The following MED24 variants were observed in gnomAD, a reference collection of about 807,000 sequenced individuals.
MED24 encodes the protein mediator complex subunit 24, also known as mediator of RNA polymerase II transcription subunit 24.
Under a neutral mutation model 118.8 loss-of-function variants are expected in MED24, and 74 were observed. The ratio of observed to expected loss-of-function variants is 0.62; its 90% CI spans 0.52 to 0.76. The LOEUF is 0.76. MED24 is among the 30% of genes least tolerant of loss of function. The pLI, the probability that MED24 is intolerant of heterozygous loss-of-function variation, is 0.00. For missense variants in MED24, 1,041 were observed against 1,278.9 expected (o/e 0.81, Z 2.84); for synonymous variants, 521 against 523.9 (o/e 0.99, Z 0.08).
intron 3 of MED24, among the ~76,000 whole-genome samples, chr17:40,039,444 C>G (rs1336366564): frequency 6.6e-6 from 1 of 152,178 alleles, no homozygotes; most frequent in East Asian, 1.9e-4. Flanking sequence ...ATATTCAACA[C>G]CCCAACTACT....
In MED24 at chr17:40,035,136, G is replaced by C. The variant is rs759992763; in HGVS notation, c.540C>G (p.Ile180Met). 50 of 1,614,152 alleles carry C rather than the reference G, an allele frequency of 3.1e-5. No homozygotes were observed. Among genetic ancestry groups the C allele is most frequent in the Non-Finnish European group, 3.6e-5 (43 of 1,180,026 alleles). The change falls in exon 6 of 26, where the codon ATC becomes ATG. Residue 180 changes from isoleucine to methionine, a missense_variant. This residue lies in a region of MED24 where 434 missense variants were observed against 514.9 expected (regional missense o/e 0.84). Transcript: ENST00000394128. Reference sequence around the variant, plus strand: ...ACATACAGGCCTCCTCTAGTTTGGCGATGTGCAGCAGGGCCCGGTTCTTGG... The same window carrying C: ...ACATACAGGCCTCCTCTAGTTTGGCCATGTGCAGCAGGGCCCGGTTCTTGG... ...SSTKNRALLH[I>M]AKLEEASSWT...
chr17:40,042,801 G>A (rs1984694697), intron 3 of MED24, among the ~76,000 whole-genome samples: 1 of 152,124 alleles, frequency 6.6e-6, no homozygotes, highest in Admixed American at 6.5e-5. Context: ...AGACAGTTGA[G>A]CCATTATCCA....
At chr17:40,031,374 T>G (rs966149027) in intron 11 of MED24, 129 bp from the exon 12 acceptor site, 46 of 1,218,888 alleles carry the variant, frequency 3.8e-5, no homozygotes, top group Middle Eastern at 5.4e-4. Context: ...TGAGGGACGG[T>G]AGAGGGGCTC....
At chr17:40,050,100 G>A (rs1246439932) in intron 3 of MED24, among the ~76,000 whole-genome samples, 3 of 146,684 alleles carry the variant, frequency 2.0e-5, no homozygotes, top group South Asian at 2.2e-4. Context: ...GCAGTGAGCC[G>A]AGATCGCACC....
At chr17:40,022,918 G>A in intron 20 of MED24, 92 bp from the exon 21 acceptor site, 1 of 1,462,690 alleles carries the variant, frequency 6.8e-7, no homozygotes, top group Non-Finnish European at 9.2e-7. Context: ...GTCCAGTAAG[G>A]CCCGCAGAGG....
Position 40,033,030 on chromosome 17 carries a change from A to C in MED24, c.822+26T>G. 1 of 1,612,412 alleles carries C rather than the reference A, an allele frequency of 6.2e-7. No individual in the cohort carries two copies. The highest frequency in any genetic ancestry group is 8.5e-7 in the Non-Finnish European group (1 of 1,179,586). ...CCAACAGGCTGGCCTGCCTTGGAGA[A>C]GGGAGAGCCACTCGGCCCCTCCCAC... On this transcript the variant is annotated intron_variant, in intron 8 of 25. Coordinates refer to ENST00000394128, the MANE Select transcript of MED24 (RefSeq NM_014815.4). The surrounding 1 kb of genome is among the most constrained non-coding windows in gnomAD (Gnocchi z 5.2).
chr17:40,044,146 G>T (rs1301528626), intron 3 of MED24, among the ~76,000 whole-genome samples: 1 of 127,444 alleles, frequency 7.8e-6, no homozygotes, highest in African/African-American at 3.1e-5. Context: ...AAAAAAAAAA[G>T]CCGTAACAAA....
rs545636237 is a variant in MED24, at chr17:40,046,241, C to T, written c.213+7057G>A. Among the ~76,000 whole-genome samples, 497 of 148,960 alleles carry T rather than the reference C, an allele frequency of 3.3e-3. 2 individuals carry two copies. Among genetic ancestry groups the T allele is most frequent in the Non-Finnish European group, 3.8e-3 (255 of 67,262 alleles). ...CTGGGACTATAGGCACCCGCCACCACGCCCGGCTAATTTTTTGTATTTTCA... is the reference window on the plus strand; with the variant it reads ...CTGGGACTATAGGCACCCGCCACCATGCCCGGCTAATTTTTTGTATTTTCA... On this transcript the variant is annotated intron_variant, in intron 3 of 25. Coordinates refer to ENST00000394128, the MANE Select transcript of MED24 (RefSeq NM_014815.4).
At chr17:40,028,025 G>C (rs1318466927) in intron 14 of MED24, 79 bp from the exon 15 acceptor site, 7 of 1,398,342 alleles carry the variant, frequency 5.0e-6, no homozygotes, top group African/African-American at 2.8e-5. Flanking sequence ...CACATGTTCA[G>C]AGAGCGATAG....
In MED24 at chr17:40,038,931, C is replaced by G. The variant is rs138247371; in HGVS notation, c.214-2777G>C. On this transcript the variant is annotated intron_variant, in intron 3 of 25. Transcript: ENST00000394128. Reference sequence around the variant, plus strand: ...TGAGGCCAGGGCTAGTGTCTGATATCCATCAGAAAGCTGGGAGCCTGCCTG... The same window carrying G: ...TGAGGCCAGGGCTAGTGTCTGATATGCATCAGAAAGCTGGGAGCCTGCCTG... Among the ~76,000 whole-genome samples, 5 of 152,282 alleles carry G rather than the reference C, an allele frequency of 3.3e-5. No homozygotes were observed. In the East Asian group the frequency reaches 9.7e-4, roughly 29 times the overall value.
intron 3 of MED24, among the ~76,000 whole-genome samples, chr17:40,043,228 A>G (rs567983254): frequency 1.1e-4 from 17 of 151,960 alleles, no homozygotes; most frequent in African/African-American, 4.1e-4. Context: ...GAGCCACCAC[A>G]CCCGGCCTGT....
chr17:40,031,254 G>A lies in MED24; in HGVS notation c.1068-9C>T, dbSNP rs1204258128. On this transcript the variant is annotated splice_polypyrimidine_tract_variant and intron_variant, in intron 11 of 25. Coordinates refer to ENST00000394128, the MANE Select transcript of MED24 (RefSeq NM_014815.4). ...AGTTTGTACAGTCACAGCTGTGAGG[G>A]AGAAAGATGCTGAGGGAACTGGGCA... The A allele has an allele frequency of 1.3e-6, 2 of 1,560,354 alleles. No individual in the cohort carries two copies. The highest frequency in any genetic ancestry group is 1.2e-5 in the South Asian group (1 of 84,656).
Position 40,053,869 on chromosome 17 carries a change from A to G in MED24, c.-37-234T>C. ...GTATCGGCCGAGCGCAGTGGCTCGC[A>G]CCTGTAATCCCAGCACTTCGGGAGG... On this transcript the variant is annotated intron_variant, in intron 1 of 25. Transcript: ENST00000394128. 6.5e-6 allele frequency: 4 copies of G among 612,510 alleles called. No homozygotes were observed. The South Asian group carries it at 8.2e-5, about 12-fold the overall frequency. The allele number at this position is 612,510 out of a possible 1,614,324, so 37.9% of individuals were successfully genotyped here.
At chr17:40,046,695 G>C (rs1405539054) in intron 3 of MED24, among the ~76,000 whole-genome samples, 6 of 151,082 alleles carry the variant, frequency 4.0e-5, no homozygotes, top group Non-Finnish European at 7.4e-5. Flanking sequence ...GCAGTGAGCC[G>C]AGATCCCGCC....
rs193125906 is a variant in MED24, at chr17:40,022,073, A to T, written c.2524-19T>A. 2.0e-3 allele frequency: 3,013 copies of T among 1,538,092 alleles called. 7 individuals carry two copies. Among genetic ancestry groups the T allele is most frequent in the Non-Finnish European group, 2.4e-3 (2,684 of 1,128,074 alleles). ...TATAATCCTAGAGGGAGTGAAAGTCACTGTTATACACCCCTAAACCCCCCA... is the reference window on the plus strand; with the variant it reads ...TATAATCCTAGAGGGAGTGAAAGTCTCTGTTATACACCCCTAAACCCCCCA... On this transcript the variant is annotated intron_variant, in intron 22 of 25. Coordinates refer to ENST00000394128, the MANE Select transcript of MED24 (RefSeq NM_014815.4).
rs557617210 is a variant in MED24 at position 40,040,355 on chromosome 17, G to C, written c.214-4201C>G. ...GCCTCCCAAAGTGCTGGGATTACAA[G>C]CGTGAGCCACTGTGCCCAGCTGCCT... On this transcript the variant is annotated intron_variant, in intron 3 of 25. Transcript: ENST00000394128. 2.6e-5 allele frequency among the ~76,000 whole-genome samples: 4 copies of C among 152,126 alleles called. No homozygotes were observed. In the South Asian group the frequency reaches 8.3e-4, roughly 32 times the overall value.
chr17:40,040,999 C>A (rs1465733472), intron 3 of MED24, among the ~76,000 whole-genome samples: 1 of 151,842 alleles, frequency 6.6e-6, no homozygotes, highest in South Asian at 2.1e-4. Context: ...CCTCCTACCT[C>A]GGCCTCAAAA....
At chr17:40,041,840 G>A (rs770678119) in intron 3 of MED24, among the ~76,000 whole-genome samples, 7 of 151,984 alleles carry the variant, frequency 4.6e-5, no homozygotes, top group Non-Finnish European at 7.4e-5. Context: ...ATCATTTCTC[G>A]CCTGAATTAC....
At chr17:40,028,109 T>G (rs1266944501) in intron 14 of MED24, 163 bp from the exon 15 acceptor site, 1 of 723,764 alleles carries the variant, frequency 1.4e-6, no homozygotes, top group Non-Finnish European at 2.3e-6. Flanking sequence ...TGGTTTTTGT[T>G]TTTTGTTTTT....
Sources: allele counts gnomAD v4.1 joint callset (sites outside exome capture counted in the v4.1 genomes callset), GRCh38; gene constraint gnomAD v4.1.1; regional missense constraint gnomAD v4.1.1; non-coding constraint Gnocchi (gnomAD v3.1); transcripts MANE v1.5; gene names NCBI Gene and HGNC (gene_info 2026-07-23, HGNC 2026-07-21).